Variants in GLI2 observed in about 807,000 individuals in gnomAD.
GLI2 encodes GLI family zinc finger 2.
GLI2 carries 22 observed loss-of-function variants against 78.9 expected under a neutral mutation model. That is an observed-to-expected ratio of 0.28 (90% CI 0.20 to 0.40). GLI2 has a LOEUF of 0.40. GLI2 is among the 10% of genes least tolerant of loss of function. GLI2 has a pLI of 1.00. For synonymous variants in GLI2, 974 were observed against 963.7 expected (o/e 1.01, Z -0.20); for missense variants, 2,097 against 2,213.2 (o/e 0.95, Z 1.05).
At chr2:120,943,701 C>T (rs1249888729) in intron 3 of GLI2, among the ~76,000 whole-genome samples, 1 of 152,176 alleles carries the variant, frequency 6.6e-6, no homozygotes, top group Non-Finnish European at 1.5e-5. Context: ...CCCCAGCCAC[C>T]AGCACAGATC....
chr2:120,949,584 C>T (rs1680879907), intron 3 of GLI2, among the ~76,000 whole-genome samples: 1 of 152,190 alleles, frequency 6.6e-6, no homozygotes, highest in Non-Finnish European at 1.5e-5. Flanking sequence ...GAGGGTGCCA[C>T]CTGCTGGGCT....
In GLI2 at chr2:120,896,785, G is replaced by T. The variant is rs560247713; in HGVS notation, c.149-30576G>T. On this transcript the variant is annotated intron_variant, in intron 2 of 13. Coordinates refer to ENST00000361492, the MANE Select transcript of GLI2 (RefSeq NM_001374353.1). ...CTTTTTCTCAAGGAATCCCCAGCTT[G>T]GGCGTTAATCCCTCAAGAGTCACCA... Among the ~76,000 whole-genome samples the T allele has an allele frequency of 2.6e-5, 4 of 151,514 alleles. No individual in the cohort carries two copies. The East Asian group carries it at 7.8e-4, about 30-fold the overall frequency.
At chr2:120,763,374 G>T (rs1245948281) in intron 1 of GLI2, among the ~76,000 whole-genome samples, 1 of 152,216 alleles carries the variant, frequency 6.6e-6, no homozygotes, top group Non-Finnish European at 1.5e-5. Flanking sequence ...CACATTTGTT[G>T]GATTGAGGGG....
rs530292977 is a variant in GLI2, at chr2:120,898,076, G to A, written c.149-29285G>A. ...GGACCACAGGTCCCCTTCACCTGTG[G>A]TCTTTTCTTGTTGCTGTTTTGTGGA... On this transcript the variant is annotated intron_variant, in intron 2 of 13. Coordinates refer to ENST00000361492, the MANE Select transcript of GLI2 (RefSeq NM_001374353.1). Among the ~76,000 whole-genome samples the A allele has an allele frequency of 5.7e-4, 86 of 151,850 alleles. 1 individual carries two copies. The South Asian group carries it at 0.016, about 28-fold the overall frequency.
chr2:120,982,927 G>C, intron 11 of GLI2, 47 bp downstream of exon 11: 1 of 1,586,676 alleles, frequency 6.3e-7, no homozygotes. Flanking sequence ...GGGCCCCACT[G>C]ACGCCCCATG....
chr2:120,891,565 G>A (rs1677682081), intron 2 of GLI2, among the ~76,000 whole-genome samples: 1 of 152,172 alleles, frequency 6.6e-6, no homozygotes. Flanking sequence ...TGTGATTGAA[G>A]CCTGGGCTAT....
At chr2:120,741,653 CGCGCCGGCTTTTCCGCCACGCGGA>C (rs1682547126) in intron 1 of GLI2, among the ~76,000 whole-genome samples, 1 of 152,126 alleles carries the variant, frequency 6.6e-6, no homozygotes, top group African/African-American at 2.4e-5. Flanking sequence ...CCTCTCCCTC[CGCGCCGGCTTTTCCGCCACGCGGA>C]GCGCTGGCTG....
At chr2:120,923,227 T>C (rs1679474220) in intron 2 of GLI2, among the ~76,000 whole-genome samples, 1 of 124,684 alleles carries the variant, frequency 8.0e-6, no homozygotes, top group East Asian at 2.4e-4. Context: ...CGTACACATA[T>C]ACACAGCAAC....
intron 2 of GLI2, among the ~76,000 whole-genome samples, chr2:120,802,142 G>A (rs1183145386): frequency 1.3e-5 from 2 of 152,148 alleles, no homozygotes; most frequent in South Asian, 4.1e-4. Flanking sequence ...CACCTACCTC[G>A]ACTGGCCTCT....
intron 2 of GLI2, among the ~76,000 whole-genome samples, chr2:120,846,598 C>G (rs1434103573): frequency 6.6e-6 from 1 of 152,190 alleles, no homozygotes; most frequent in African/African-American, 2.4e-5. Flanking sequence ...CCTGTCCTGC[C>G]TTTCTGTTCC....
At chr2:120,923,468 CACAT>C (rs1333867251) in intron 2 of GLI2, among the ~76,000 whole-genome samples, 8 of 152,100 alleles carry the variant, frequency 5.3e-5, no homozygotes, top group East Asian at 1.9e-4. Context: ...CAACAACACA[CACAT>C]ACAGCATACA....
chr2:120,816,838 A>C lies in GLI2; in HGVS notation c.148+19370A>C, dbSNP rs531517331. 3.2e-4 allele frequency among the ~76,000 whole-genome samples: 49 copies of C among 152,336 alleles called. No homozygotes were observed. In the South Asian group the frequency reaches 0.01, roughly 32 times the overall value. ...GAGATAGAAAAGAGGAGGGTATTTT[A>C]AAAGCCTTTTCGCCTAATTTGGATG... On this transcript the variant is annotated intron_variant, in intron 2 of 13. Transcript: ENST00000361492.
At position 120,787,685 on chromosome 2, in the gene GLI2, G is replaced by A. The variant is rs140531373; in HGVS notation, c.-30-9606G>A. Among the ~76,000 whole-genome samples the A allele has an allele frequency of 7.9e-4, 121 of 152,302 alleles. No individual in the cohort carries two copies. The East Asian group carries it at 0.016, about 20-fold the overall frequency. ...AGCTGTTAAAATATCTGGGTCTGGC[G>A]GGCCGGCCACACAGTGGGCCCCTTG... On this transcript the variant is annotated intron_variant, in intron 1 of 13. Transcript: ENST00000361492.
chr2:120,936,386 C>G (rs1203620431), intron 3 of GLI2, among the ~76,000 whole-genome samples: 1 of 152,198 alleles, frequency 6.6e-6, no homozygotes, highest in Non-Finnish European at 1.5e-5. Context: ...TGCAGACACC[C>G]TGCAGGGTGC....
In GLI2 at chr2:120,768,828, T is replaced by TGTGTGTGC. The variant is rs1016876371; in HGVS notation, c.-30-28462_-30-28461insTGTGTGCG. ...GTGTGTGTGTGTGTGTGTGTGTGTG[T>TGTGTGTGC]GCGTGTGTGTGCACCCTGCCCCACT... On this transcript the variant is annotated intron_variant, in intron 1 of 13. Coordinates refer to ENST00000361492, the MANE Select transcript of GLI2 (RefSeq NM_001374353.1). Among the ~76,000 whole-genome samples the TGTGTGTGC allele has an allele frequency of 8.0e-3, 1,209 of 150,504 alleles. 10 individuals carry two copies. Among genetic ancestry groups the TGTGTGTGC allele is most frequent in the African/African-American group, 0.029 (1,161 of 40,560 alleles).
At chr2:120,765,130 TGGGGCTGA>T (rs1478632007) in intron 1 of GLI2, among the ~76,000 whole-genome samples, 1 of 152,082 alleles carries the variant, frequency 6.6e-6, no homozygotes, top group Non-Finnish European at 1.5e-5. Flanking sequence ...CCCCTGCCCC[TGGGGCTGA>T]GGGCTCCTCT....
At position 120,951,337 on chromosome 2, in the gene GLI2, G is replaced by GC. The variant is rs1573660204; in HGVS notation, c.355dup (p.His119ProfsTer34). On this transcript the variant is annotated frameshift_variant, in exon 4 of 14. Transcript: ENST00000361492. LOFTEE classifies it high-confidence loss of function. ...TGGCCCTGGGGAGTCCCCCTTCAAC[G>GC]CCCCCCACCCGTACGTGAACCCCCA... 6.4e-7 allele frequency: 1 copy of GC among 1,573,042 alleles called. No individual in the cohort carries two copies. Among genetic ancestry groups the GC allele is most frequent in the Non-Finnish European group, 8.7e-7 (1 of 1,142,930 alleles).
At chr2:120,849,993 GA>G (rs1687322237) in intron 2 of GLI2, among the ~76,000 whole-genome samples, 1 of 152,196 alleles carries the variant, frequency 6.6e-6, no homozygotes, top group African/African-American at 2.4e-5. Flanking sequence ...GACATTTCAT[GA>G]AAAGAAGAAG....
intron 1 of GLI2, among the ~76,000 whole-genome samples, chr2:120,790,216 A>G (rs1684108414): frequency 1.3e-5 from 2 of 152,310 alleles, no homozygotes; most frequent in South Asian, 4.1e-4. Context: ...CACCAAATCC[A>G]TAGAGAAACA....
Sources: gnomAD v4.1 joint callset for allele counts (sites outside exome capture counted in the v4.1 genomes callset) on GRCh38, gnomAD v4.1.1 for gene constraint, MANE v1.5 for transcripts, NCBI Gene and HGNC (gene_info 2026-07-23, HGNC 2026-07-21) for gene names.